Variants in SLMAP observed in about 807,000 individuals in gnomAD.
The protein encoded by SLMAP is sarcolemmal membrane-associated protein.
A neutral mutation model predicts 128.8 loss-of-function variants in SLMAP; 44 were observed. That is an observed-to-expected ratio of 0.34 (90% CI 0.27 to 0.44). The LOEUF (loss-of-function observed/expected upper bound fraction) is 0.44. Among genes scored for constraint, SLMAP ranks in the 20% least tolerant of loss-of-function variants. The probability of loss-of-function intolerance (pLI) is 1.00; values close to 1 mark genes in which losing one functional copy is unlikely to be tolerated. For missense variants in SLMAP, 787 were observed against 985.3 expected (o/e 0.80, Z 2.69); for synonymous variants, 327 against 348.8 (o/e 0.94, Z 0.70).
At chr3:57,906,292 A>ATTCTTTTCTT (rs2096539062) in intron 17 of SLMAP, among the ~76,000 whole-genome samples, 5 of 78,752 alleles carry the variant, frequency 6.3e-5, no homozygotes, top group African/African-American at 2.3e-4. Flanking sequence ...CCAGAATCAA[A>ATTCTTTTCTT]TTTTTTTCTT....
At chr3:57,906,387 C>T (rs535972923) in intron 17 of SLMAP, among the ~76,000 whole-genome samples, 1 of 136,766 alleles carries the variant, frequency 7.3e-6, no homozygotes, top group South Asian at 2.3e-4. Context: ...GCGATCTTGG[C>T]TCATTGCCAC....
intron 2 of SLMAP, among the ~76,000 whole-genome samples, chr3:57,763,570 C>T (rs1372311569): frequency 4.6e-5 from 7 of 152,090 alleles, no homozygotes; most frequent in Non-Finnish European, 8.8e-5. Context: ...CCACCGCGCC[C>T]GGCCTAGTGC....
intron 14 of SLMAP, among the ~76,000 whole-genome samples, chr3:57,876,492 A>G (rs1052907439): frequency 6.6e-6 from 1 of 152,228 alleles, no homozygotes; most frequent in African/African-American, 2.4e-5. Context: ...TACCACATAT[A>G]ATCTAGAATT....
chr3:57,867,621 G>A (rs2095342540), intron 13 of SLMAP, among the ~76,000 whole-genome samples: 1 of 152,046 alleles, frequency 6.6e-6, no homozygotes, highest in Non-Finnish European at 1.5e-5. Flanking sequence ...TTAGTTAAGG[G>A]TGGACTTTGG....
At chr3:57,808,062 T>C (rs2090237916) in intron 2 of SLMAP, among the ~76,000 whole-genome samples, 1 of 152,140 alleles carries the variant, frequency 6.6e-6, no homozygotes, top group Admixed American at 6.5e-5. Context: ...TGTATAGAGT[T>C]GTTTATTTTC....
At chr3:57,920,304 A>T (rs897437271) in intron 22 of SLMAP, among the ~76,000 whole-genome samples, 5 of 152,196 alleles carry the variant, frequency 3.3e-5, no homozygotes, top group African/African-American at 4.8e-5. Flanking sequence ...CTGGCATACT[A>T]TCCAGGCTTG....
intron 2 of SLMAP, among the ~76,000 whole-genome samples, chr3:57,822,435 C>T (rs2092597747): frequency 6.6e-6 from 1 of 152,160 alleles, no homozygotes; most frequent in African/African-American, 2.4e-5. Flanking sequence ...GAATTGATTC[C>T]TCCACCAGAA....
At chr3:57,897,090 T>TG in intron 17 of SLMAP, 158 bp downstream of exon 17, 1 of 1,394,818 alleles carries the variant, frequency 7.2e-7, no homozygotes, top group Non-Finnish European at 9.3e-7. Flanking sequence ...AGTTTTGGTG[T>TG]TTATACCCAA....
At chr3:57,778,410 A>G (rs2082330034) in intron 2 of SLMAP, among the ~76,000 whole-genome samples, 1 of 150,486 alleles carries the variant, frequency 6.6e-6, no homozygotes, top group East Asian at 1.9e-4. Flanking sequence ...ATTTATCAAC[A>G]TTATTGTTCT....
intron 14 of SLMAP, among the ~76,000 whole-genome samples, chr3:57,873,840 G>A (rs1427255361): frequency 2.0e-5 from 3 of 152,094 alleles, no homozygotes; most frequent in Non-Finnish European, 4.4e-5. Context: ...TCCAGGAGAG[G>A]CTGGGAGCTG....
chr3:57,885,951 T>G (rs1181926409), intron 14 of SLMAP, among the ~76,000 whole-genome samples: 17 of 144,480 alleles, frequency 1.2e-4, no homozygotes. Flanking sequence ...GCCCAGCTAA[T>G]TTTTGTATTT....
intron 20 of SLMAP, among the ~76,000 whole-genome samples, 157 bp from the exon 21 acceptor site, chr3:57,913,001 T>C (rs2096733001): frequency 6.6e-6 from 1 of 152,210 alleles, no homozygotes; most frequent in Non-Finnish European, 1.5e-5. Context: ...GAGGTATACA[T>C]GCAAAGTAAC....
At chr3:57,781,160 A>G (rs981603384) in intron 2 of SLMAP, among the ~76,000 whole-genome samples, 2 of 151,974 alleles carry the variant, frequency 1.3e-5, no homozygotes, top group Non-Finnish European at 2.9e-5. Context: ...TTGAGACTGT[A>G]GTGAGCTATG....
intron 21 of SLMAP, among the ~76,000 whole-genome samples, chr3:57,914,692 C>A (rs1169750803): frequency 6.6e-6 from 1 of 151,862 alleles, no homozygotes; most frequent in Non-Finnish European, 1.5e-5. Flanking sequence ...AATCGATTCT[C>A]CTGCCTCAGC....
rs755057214 is a variant in SLMAP, at chr3:57,841,302, C to T, written c.350C>T (p.Thr117Ile). The T allele has an allele frequency of 6.3e-7, 1 of 1,593,612 alleles. No individual in the cohort carries two copies. Among genetic ancestry groups the T allele is most frequent in the South Asian group, 1.1e-5 (1 of 88,842 alleles). ...VDVTENTRKV[T>I]HGCIVSTIKL... ...ATTATTTGTTTGTTTCAACCAGTTACCCATGGGTGTATTGTTTCCACAATA... is the reference window on the plus strand; with the variant it reads ...ATTATTTGTTTGTTTCAACCAGTTATCCATGGGTGTATTGTTTCCACAATA... The change falls in exon 4 of 25, where the codon ACC becomes ATC. Residue 117 changes from threonine to isoleucine, a missense_variant. Thr to Ile is a moderately conservative substitution (Grantham distance 89). Coordinates refer to ENST00000671191, the MANE Select transcript of SLMAP (RefSeq NM_001377540.1).
chr3:57,924,957 GT>G (rs547751743), intron 23 of SLMAP, among the ~76,000 whole-genome samples: 144 of 136,712 alleles, frequency 1.1e-3, no homozygotes, highest in Non-Finnish European at 1.0e-3. Flanking sequence ...TTTGTTTTTT[GT>G]TTTTTTTTTT....
At position 57,757,637 on chromosome 3, in the gene SLMAP, C is replaced by T; in HGVS notation, c.-15C>T. 1 of 1,612,796 alleles carries T rather than the reference C, an allele frequency of 6.2e-7. No individual in the cohort carries two copies. Among genetic ancestry groups the T allele is most frequent in the Non-Finnish European group, 8.5e-7 (1 of 1,179,218 alleles). ...CTTTGTCCCTGGTAGGAGAGACACCCCCAGTCTATCCTCGATGCCGTCAGC... is the reference window on the plus strand; with the variant it reads ...CTTTGTCCCTGGTAGGAGAGACACCTCCAGTCTATCCTCGATGCCGTCAGC... On this transcript the variant is annotated 5_prime_UTR_variant, in exon 2 of 25. Transcript: ENST00000671191.
At chr3:57,858,066 A>T (rs2094878480) in intron 7 of SLMAP, 22 bp from the exon 8 acceptor site, 2 of 1,421,792 alleles carry the variant, frequency 1.4e-6, no homozygotes, top group Non-Finnish European at 2.0e-6. Flanking sequence ...GGTTTTACTT[A>T]CATTTAATTT....
chr3:57,779,061 ATACT>A (rs1217442219), intron 2 of SLMAP, among the ~76,000 whole-genome samples: 4 of 152,192 alleles, frequency 2.6e-5, no homozygotes, highest in African/African-American at 7.2e-5. Context: ...GAATATGTAC[ATACT>A]TCTGTTAAAT....
Sources: gnomAD v4.1 joint callset for allele counts (sites outside exome capture counted in the v4.1 genomes callset) on GRCh38, gnomAD v4.1.1 for gene constraint, MANE v1.5 for transcripts, NCBI Gene and HGNC (gene_info 2026-07-23, HGNC 2026-07-21) for gene names.